Variants in RAP1GAP2 observed in about 807,000 individuals in gnomAD.
RAP1GAP2 encodes the protein rap1 GTPase-activating protein 2.
A neutral mutation model predicts 95.0 loss-of-function variants in RAP1GAP2; 27 were observed. That is an observed-to-expected ratio of 0.28 (90% CI 0.21 to 0.39). The LOEUF (loss-of-function observed/expected upper bound fraction) is 0.39. Ranked by LOEUF, RAP1GAP2 falls within the 10% of genes least tolerant of loss-of-function variation. The probability of loss-of-function intolerance (pLI) is 1.00; values close to 1 mark genes in which losing one functional copy is unlikely to be tolerated. For synonymous variants in RAP1GAP2, 373 were observed against 380.9 expected (o/e 0.98, Z 0.24); for missense variants, 771 against 970.0 (o/e 0.79, Z 2.72).
chr17:2,809,471 G>A (rs959872929), intron 2 of RAP1GAP2, among the ~76,000 whole-genome samples: 2 of 152,150 alleles, frequency 1.3e-5, no homozygotes, highest in African/African-American at 4.8e-5. Flanking sequence ...CGGGTGGCCT[G>A]TGGCCCGCCA....
At chr17:2,910,445 C>CCT (rs1438475719) in intron 3 of RAP1GAP2, among the ~76,000 whole-genome samples, 1 of 152,166 alleles carries the variant, frequency 6.6e-6, no homozygotes, top group East Asian at 1.9e-4. Context: ...TGGAGGCTGG[C>CCT]CTCTCTCCGA....
At chr17:2,918,302 G>T (rs538967346) in intron 3 of RAP1GAP2, among the ~76,000 whole-genome samples, 1 of 151,964 alleles carries the variant, frequency 6.6e-6, no homozygotes, top group South Asian at 2.1e-4. Flanking sequence ...GCATGGTGGC[G>T]AGCGCCTATA....
intron 3 of RAP1GAP2, among the ~76,000 whole-genome samples, chr17:2,918,836 G>T (rs2042659266): frequency 6.6e-6 from 1 of 152,168 alleles, no homozygotes. Flanking sequence ...AAGAGTACCT[G>T]CCCTGGGTGG....
chr17:2,924,538 A>G (rs2042892374), intron 3 of RAP1GAP2, among the ~76,000 whole-genome samples: 1 of 149,962 alleles, frequency 6.7e-6, no homozygotes, highest in Non-Finnish European at 1.5e-5. Flanking sequence ...AGGAAATCGG[A>G]GGTGGGGAGG....
At chr17:2,804,190 T>C (rs1488284717) in intron 2 of RAP1GAP2, among the ~76,000 whole-genome samples, 1 of 152,184 alleles carries the variant, frequency 6.6e-6, no homozygotes, top group African/African-American at 2.4e-5. Context: ...CTGGTTGCCT[T>C]GGCTCCCTCC....
intron 3 of RAP1GAP2, among the ~76,000 whole-genome samples, chr17:2,924,085 C>G (rs8069911): frequency 6.6e-6 from 1 of 152,008 alleles, no homozygotes; most frequent in Non-Finnish European, 1.5e-5. Context: ...TAAAAAGAAC[C>G]AAACCTTTGG....
intron 1 of RAP1GAP2, among the ~76,000 whole-genome samples, chr17:2,766,975 C>T (rs1405300238): frequency 6.6e-6 from 1 of 151,796 alleles, no homozygotes; most frequent in Non-Finnish European, 1.5e-5. Context: ...ATCAGGGCAG[C>T]TGCACAGTTT....
chr17:2,850,811 C>T (rs903604777), intron 2 of RAP1GAP2, among the ~76,000 whole-genome samples: 15 of 150,788 alleles, frequency 9.9e-5, no homozygotes, highest in African/African-American at 3.2e-4. Flanking sequence ...CCTGTAATCC[C>T]AGAACTTGGG....
At chr17:3,031,095 G>A in intron 23 of RAP1GAP2, 97 bp downstream of exon 23, 1 of 1,325,480 alleles carries the variant, frequency 7.5e-7, no homozygotes, top group Non-Finnish European at 1.0e-6. Context: ...ATCCCAGAGG[G>A]GGCTCCCCGA....
At chr17:3,009,564 G>A (rs1161385013) in intron 17 of RAP1GAP2, among the ~76,000 whole-genome samples, 2 of 152,190 alleles carry the variant, frequency 1.3e-5, no homozygotes, top group Admixed American at 6.5e-5. Flanking sequence ...GATTCCACCC[G>A]CACTAGCCTG....
At chr17:2,943,663 T>C (rs1420064241) in intron 3 of RAP1GAP2, among the ~76,000 whole-genome samples, 1 of 103,746 alleles carries the variant, frequency 9.6e-6, no homozygotes, top group African/African-American at 3.9e-5. Context: ...AGACTCTGTC[T>C]CCAAAACAAA....
chr17:2,877,032 G>C (rs2151656547), intron 2 of RAP1GAP2, among the ~76,000 whole-genome samples: 1 of 152,024 alleles, frequency 6.6e-6, no homozygotes, highest in Middle Eastern at 3.4e-3. Flanking sequence ...GGGACTACAG[G>C]CATGCGCTGC....
At chr17:2,845,243 A>C (rs1354429766) in intron 2 of RAP1GAP2, among the ~76,000 whole-genome samples, 1 of 152,142 alleles carries the variant, frequency 6.6e-6, no homozygotes, top group African/African-American at 2.4e-5. Flanking sequence ...CCCGGGTTCA[A>C]GTGATTCTCC....
In RAP1GAP2 at chr17:2,963,607, A is replaced by T; in HGVS notation, c.279+145A>T. The T allele has an allele frequency of 8.7e-7, 1 of 1,155,438 alleles. No individual in the cohort carries two copies. The allele number at this position is 1,155,438 out of a possible 1,614,324, so 71.6% of individuals were successfully genotyped here. A position where few individuals can be genotyped will look rare whatever the true frequency, so the allele number is the denominator to read the frequency against. On this transcript the variant is annotated intron_variant, in intron 6 of 24. Transcript: ENST00000254695. This position sits in a 1 kb window ranked among gnomAD's most constrained non-coding sequence, Gnocchi z 4.8. ...CTCTCTTCCTGTCTTTGCCTTTGTAACCTCAGCTTCTCCATGTGTTAAGTT... is the reference window on the plus strand; with the variant it reads ...CTCTCTTCCTGTCTTTGCCTTTGTATCCTCAGCTTCTCCATGTGTTAAGTT...
chr17:2,979,897 A>G (rs1464106208), intron 8 of RAP1GAP2, among the ~76,000 whole-genome samples: 1 of 151,784 alleles, frequency 6.6e-6, no homozygotes, highest in Non-Finnish European at 1.5e-5. Flanking sequence ...CCAGTGTCCT[A>G]TGTGCTGTGA....
intron 2 of RAP1GAP2, among the ~76,000 whole-genome samples, chr17:2,841,895 G>T (rs1385855682): frequency 6.6e-6 from 1 of 152,164 alleles, no homozygotes; most frequent in Non-Finnish European, 1.5e-5. Context: ...GGCTCCTCCT[G>T]ACCCCACAGC....
chr17:2,988,478 G>A (rs1353517525), intron 11 of RAP1GAP2, among the ~76,000 whole-genome samples: 1 of 152,188 alleles, frequency 6.6e-6, no homozygotes, highest in Non-Finnish European at 1.5e-5. Context: ...GTCATATAGT[G>A]TATAACCACT....
intron 21 of RAP1GAP2, 58 bp downstream of exon 21, chr17:3,026,522 C>T: frequency 7.5e-7 from 1 of 1,337,668 alleles, no homozygotes; most frequent in South Asian, 1.4e-5. Context: ...CAGCCACCCT[C>T]CTTGCATTAA....
rs1230223532 is a variant in RAP1GAP2, at chr17:2,904,771, C to T, written c.81-513C>T. ...TGCACCTGCAAATGTGCATGTCTTT[C>T]GAGTTCCCAGGTGCCGCTGGTGGTC... On this transcript the variant is annotated intron_variant, in intron 2 of 24. Coordinates refer to ENST00000254695, the MANE Select transcript of RAP1GAP2 (RefSeq NM_015085.5). This position sits in a 1 kb window ranked among gnomAD's most constrained non-coding sequence, Gnocchi z 4.7. Among the ~76,000 whole-genome samples the T allele has an allele frequency of 6.6e-6, 1 of 152,084 alleles. No homozygotes were observed. The highest frequency in any genetic ancestry group is 2.4e-5 in the African/African-American group (1 of 41,402).
Sources: gnomAD v4.1 joint callset for allele counts (sites outside exome capture counted in the v4.1 genomes callset) on GRCh38, gnomAD v4.1.1 for gene constraint, Gnocchi (gnomAD v3.1) non-coding constraint, MANE v1.5 for transcripts, NCBI Gene and HGNC (gene_info 2026-07-23, HGNC 2026-07-21) for gene names.